CSTPP1: variants seen among roughly 807,000 people sequenced by gnomAD.
The protein encoded by CSTPP1 is centriolar satellite-associated tubulin polyglutamylase complex regulator 1.
chr11:47,081,252 A>C, the CSTPP1 span, among the ~76,000 whole-genome samples: 1 of 152,252 alleles, frequency 6.6e-6, no homozygotes, highest in East Asian at 1.9e-4. Context: ...GAGAGAAATG[A>C]TTGTAAAGCT....
At chr11:46,968,134 AGAAG>A in the CSTPP1 span, among the ~76,000 whole-genome samples, 1 of 151,556 alleles carries the variant, frequency 6.6e-6, no homozygotes, top group South Asian at 2.1e-4. Context: ...TTGACTTCTC[AGAAG>A]GTCAGATAAC....
the CSTPP1 span, among the ~76,000 whole-genome samples, chr11:46,957,256 C>T: frequency 1.3e-5 from 2 of 152,124 alleles, no homozygotes; most frequent in African/African-American, 2.4e-5. Context: ...ATTCTTCATC[C>T]TTACATGGAT....
chr11:47,120,752 T>C, the CSTPP1 span, among the ~76,000 whole-genome samples: 1 of 152,192 alleles, frequency 6.6e-6, no homozygotes, highest in Non-Finnish European at 1.5e-5. This position sits in a 1 kb window ranked among gnomAD's most constrained non-coding sequence, Gnocchi z 4.2. Flanking sequence ...AGGACAGTAC[T>C]TACCCTATAG....
chr11:46,966,273 C>T, the CSTPP1 span, among the ~76,000 whole-genome samples: 1 of 152,106 alleles, frequency 6.6e-6, no homozygotes, highest in Non-Finnish European at 1.5e-5. Flanking sequence ...GATCTCTTGA[C>T]CTCGTGATCT....
the CSTPP1 span, among the ~76,000 whole-genome samples, chr11:47,158,519 C>A: frequency 6.6e-6 from 1 of 152,048 alleles, no homozygotes; most frequent in Admixed American, 6.6e-5. Flanking sequence ...CTCCATTCTA[C>A]TACAGTTTAA....
At chr11:47,086,234 C>CAAAAAAAAA in the CSTPP1 span, among the ~76,000 whole-genome samples, 33 of 89,396 alleles carry the variant, frequency 3.7e-4, 5 homozygotes, top group Middle Eastern at 0.022. Flanking sequence ...ACTAAAAATC[C>CAAAAAAAAA]AAAAAAAAAA....
the CSTPP1 span, among the ~76,000 whole-genome samples, chr11:47,100,922 CCT>C: frequency 6.6e-6 from 1 of 151,832 alleles, no homozygotes; most frequent in African/African-American, 2.4e-5. Flanking sequence ...TAGGTGCAGA[CCT>C]TCTTGACAGC....
At chr11:46,951,193 T>G in the CSTPP1 span, among the ~76,000 whole-genome samples, 1 of 152,146 alleles carries the variant, frequency 6.6e-6, no homozygotes, top group African/African-American at 2.4e-5. Context: ...GGTTTTGTAA[T>G]TTCTAAGAGC....
At chr11:46,983,517 GT>G in the CSTPP1 span, among the ~76,000 whole-genome samples, 1 of 152,222 alleles carries the variant, frequency 6.6e-6, no homozygotes, top group East Asian at 1.9e-4. Flanking sequence ...GGAAAAGCCT[GT>G]CTTAAATGCT....
At chr11:47,072,692 C>T in the CSTPP1 span, among the ~76,000 whole-genome samples, 98 of 150,476 alleles carry the variant, frequency 6.5e-4, 1 homozygote, top group Middle Eastern at 3.5e-3. Flanking sequence ...TATATACACA[C>T]ACACATATAT....
chr11:47,037,727 CCAAGG>C, the CSTPP1 span, among the ~76,000 whole-genome samples: 1 of 125,896 alleles, frequency 7.9e-6, no homozygotes, highest in Non-Finnish European at 1.9e-5. Flanking sequence ...CAACAGGATC[CCAAGG>C]CAGAAGAATT....
At chr11:47,012,701 G>A in the CSTPP1 span, among the ~76,000 whole-genome samples, 3 of 151,998 alleles carry the variant, frequency 2.0e-5, no homozygotes, top group Admixed American at 2.0e-4. Flanking sequence ...TTCACGATGG[G>A]AGCCCTTTCT....
chr11:46,967,660 C>G, the CSTPP1 span, among the ~76,000 whole-genome samples: 5 of 152,118 alleles, frequency 3.3e-5, no homozygotes, highest in Non-Finnish European at 1.5e-5. Context: ...AAAACTCTTA[C>G]AACTGTGCCC....
the CSTPP1 span, among the ~76,000 whole-genome samples, chr11:46,953,811 G>A: frequency 4.6e-5 from 7 of 152,182 alleles, no homozygotes; most frequent in South Asian, 4.1e-4. Flanking sequence ...TTCACATGGC[G>A]TAATTAAATT....
chr11:47,108,733 G>T, the CSTPP1 span, among the ~76,000 whole-genome samples: 1 of 136,354 alleles, frequency 7.3e-6, no homozygotes, highest in Non-Finnish European at 1.5e-5. Flanking sequence ...TTGAGATGGA[G>T]TCTCACTGCG....
the CSTPP1 span, among the ~76,000 whole-genome samples, chr11:47,049,733 G>A: frequency 2.6e-5 from 4 of 151,586 alleles, no homozygotes; most frequent in Non-Finnish European, 5.9e-5. Flanking sequence ...GGGCTCAAGC[G>A]ATCCTCCATC....
the CSTPP1 span, among the ~76,000 whole-genome samples, chr11:46,981,335 A>C: frequency 8.9e-3 from 1,349 of 152,180 alleles, 18 homozygotes; most frequent in African/African-American, 0.029. Context: ...GAACAAGCTC[A>C]CAAACTATAT....
At chr11:47,109,862 C>T in the CSTPP1 span, among the ~76,000 whole-genome samples, 33 of 152,350 alleles carry the variant, frequency 2.2e-4, no homozygotes, top group Admixed American at 1.0e-3. Context: ...TAGATTGCAA[C>T]ATGCCAGAGA....
At chr11:47,042,209 A>G in the CSTPP1 span, among the ~76,000 whole-genome samples, 1 of 152,142 alleles carries the variant, frequency 6.6e-6, no homozygotes, top group Admixed American at 6.6e-5. Context: ...CCAAAAAAAT[A>G]AAAAATAAAA....
Sources: allele counts gnomAD v4.1 joint callset (sites outside exome capture counted in the v4.1 genomes callset), GRCh38; gene constraint gnomAD v4.1.1; non-coding constraint Gnocchi (gnomAD v3.1); transcripts MANE v1.5; gene names NCBI Gene and HGNC (gene_info 2026-07-23, HGNC 2026-07-21).